CUX1: variants seen among roughly 807,000 people sequenced by gnomAD.
CUX1 encodes the protein protein CASP.
CUX1 carries 31 observed loss-of-function variants against 158.8 expected under a neutral mutation model. The observed-to-expected ratio is 0.20, with a 90% confidence interval of 0.15 to 0.26. The LOEUF is 0.26. CUX1 is among the 10% of genes least tolerant of loss of function. The probability of loss-of-function intolerance (pLI) is 1.00; values close to 1 mark genes in which losing one functional copy is unlikely to be tolerated. For missense variants in CUX1, 1,589 were observed against 2,014.6 expected (o/e 0.79, Z 4.04); for synonymous variants, 879 against 862.1 (o/e 1.02, Z -0.34).
intron 1 of CUX1, among the ~76,000 whole-genome samples, chr7:101,823,167 G>A (rs1488100563): frequency 1.3e-5 from 2 of 152,106 alleles, no homozygotes; most frequent in Admixed American, 6.6e-5. Context: ...CAGGTACTGT[G>A]GCCACAAAGT....
intron 2 of CUX1, among the ~76,000 whole-genome samples, chr7:101,928,357 C>CT (rs1345100830): frequency 1.6e-4 from 24 of 146,416 alleles, no homozygotes; most frequent in Admixed American, 4.1e-4. Flanking sequence ...CACAAATGGC[C>CT]TTTTTTTTTT....
intron 4 of CUX1, among the ~76,000 whole-genome samples, chr7:102,094,946 T>C (rs10953358): frequency 0.39 from 59,944 of 151,960 alleles, 13,691 homozygotes; most frequent in East Asian, 0.95. Flanking sequence ...TCAGGAATTC[T>C]GTTTTTTTGT....
At chr7:102,149,967 C>T (rs1318643392) in intron 8 of CUX1, among the ~76,000 whole-genome samples, 2 of 152,158 alleles carry the variant, frequency 1.3e-5, no homozygotes, top group Non-Finnish European at 2.9e-5. Flanking sequence ...AATGTCCCCC[C>T]TTAAGGACAG....
intron 1 of CUX1, among the ~76,000 whole-genome samples, chr7:101,821,855 T>G (rs981836061): frequency 7.2e-6 from 1 of 138,954 alleles, no homozygotes; most frequent in Non-Finnish European, 1.5e-5. Flanking sequence ...TTTTGTTTTT[T>G]TGTTTTTTTT....
intron 1 of CUX1, among the ~76,000 whole-genome samples, chr7:101,894,189 C>T (rs1034695191): frequency 2.0e-5 from 3 of 152,132 alleles, no homozygotes; most frequent in Non-Finnish European, 2.9e-5. Flanking sequence ...GGTGGTTTTT[C>T]AAAAAACTTA....
At chr7:102,022,601 G>A (rs760656073) in intron 2 of CUX1, among the ~76,000 whole-genome samples, 8 of 141,160 alleles carry the variant, frequency 5.7e-5, no homozygotes, top group Admixed American at 7.4e-5. Context: ...CTGGAAGAGC[G>A]AGACACTGTC....
rs782425419 is a variant in CUX1 at position 102,253,524 on chromosome 7, A to G, written c.*4482A>G. The G allele has an allele frequency of 4.1e-6, 4 of 985,346 alleles. No homozygotes were observed. The highest frequency in any genetic ancestry group is 1.7e-5 in the African/African-American group (1 of 57,250). The allele number at this position is 985,346 out of a possible 1,614,324, so 61.0% of individuals were successfully genotyped here. A position where few individuals can be genotyped will look rare whatever the true frequency, so the allele number is the denominator to read the frequency against. ...ATGTCCTTTGATGCAAGGGTGATCA[A>G]TGAACTCTGTTGACATTCTATGCAA... On this transcript the variant is annotated 3_prime_UTR_variant, in exon 24 of 24. Coordinates refer to ENST00000292535, the MANE Select transcript of CUX1 (RefSeq NM_181552.4).
intron 20 of CUX1, among the ~76,000 whole-genome samples, chr7:102,209,350 A>C (rs1356586608): frequency 2.6e-5 from 4 of 152,210 alleles, no homozygotes; most frequent in African/African-American, 9.6e-5. Context: ...GGGCTTGGGC[A>C]TTAAGGAAAT....
chr7:101,864,782 C>T (rs1036744239), intron 1 of CUX1, among the ~76,000 whole-genome samples: 2 of 152,144 alleles, frequency 1.3e-5, no homozygotes, highest in South Asian at 2.1e-4. Context: ...AACTCCTGAC[C>T]TCAGGTGATC....
intron 9 of CUX1, among the ~76,000 whole-genome samples, chr7:102,169,681 G>T (rs1191173428): frequency 6.6e-6 from 1 of 152,202 alleles, no homozygotes; most frequent in Non-Finnish European, 1.5e-5. Context: ...CTGTCGGGTG[G>T]TGGGCACTGG....
intron 9 of CUX1, chr7:102,161,154 G>A (rs1356218029): frequency 2.0e-5 from 3 of 152,194 alleles, no homozygotes; most frequent in Non-Finnish European, 1.5e-5. Context: ...TTTGAGACCA[G>A]CCTGGGCAAT....
chr7:101,913,137 T>G (rs931856730), intron 1 of CUX1: 3 of 247,852 alleles, frequency 1.2e-5, no homozygotes, highest in Non-Finnish European at 2.5e-5. Context: ...TTTTTATGTG[T>G]GTGTGTGTTG....
chr7:102,123,282 T>A (rs556662784), intron 8 of CUX1, among the ~76,000 whole-genome samples: 2 of 151,568 alleles, frequency 1.3e-5, no homozygotes, highest in South Asian at 4.2e-4. Context: ...TATATAAACA[T>A]GTTTGTGAAT....
At chr7:102,084,858 C>CTTTTTTTTTT (rs60908109) in intron 4 of CUX1, among the ~76,000 whole-genome samples, 5 of 56,050 alleles carry the variant, frequency 8.9e-5, no homozygotes, top group Admixed American at 2.9e-4. Context: ...ATTTTCCTTG[C>CTTTTTTTTTT]TTTTTTTTTT....
chr7:102,265,602 T>C (rs1158046280), intron 14 of CUX1, among the ~76,000 whole-genome samples: 1 of 151,764 alleles, frequency 6.6e-6, no homozygotes, highest in Admixed American at 6.6e-5. Flanking sequence ...ACACGGCTAA[T>C]ATTTTAATTT....
At chr7:102,099,123 C>T (rs1357243898) in intron 5 of CUX1, among the ~76,000 whole-genome samples, 1 of 152,088 alleles carries the variant, frequency 6.6e-6, no homozygotes, top group African/African-American at 2.4e-5. Context: ...CTAAGACCTC[C>T]GAGCACACCT....
intron 1 of CUX1, among the ~76,000 whole-genome samples, chr7:101,913,596 C>T (rs1238454780): frequency 1.3e-5 from 2 of 152,154 alleles, no homozygotes; most frequent in Non-Finnish European, 2.9e-5. Context: ...GCGTTTCCCA[C>T]ACTTGACCCA....
intron 3 of CUX1, among the ~76,000 whole-genome samples, chr7:102,032,995 G>T (rs181333700): frequency 2.7e-4 from 41 of 152,300 alleles, no homozygotes; most frequent in African/African-American, 9.6e-4. Flanking sequence ...CTGAGAAGGG[G>T]CGTGTTATGG....
intron 1 of CUX1, among the ~76,000 whole-genome samples, chr7:101,875,784 T>A (rs766030838): frequency 6.6e-6 from 1 of 152,162 alleles, no homozygotes; most frequent in Non-Finnish European, 1.5e-5. Context: ...TACGTAGGCC[T>A]GACTTTTTGC....
Sources: gnomAD v4.1 joint callset for allele counts (sites outside exome capture counted in the v4.1 genomes callset) on GRCh38, gnomAD v4.1.1 for gene constraint, MANE v1.5 for transcripts, NCBI Gene and HGNC (gene_info 2026-07-23, HGNC 2026-07-21) for gene names.